Variants in KCNH7 observed in about 807,000 individuals in gnomAD.
KCNH7 encodes the protein potassium voltage-gated channel subfamily H member 7.
A neutral mutation model predicts 120.8 loss-of-function variants in KCNH7; 49 were observed. That is an observed-to-expected ratio of 0.41 (90% CI 0.32 to 0.51). The LOEUF is 0.51. Ranked by LOEUF, KCNH7 falls within the 20% of genes least tolerant of loss-of-function variation. KCNH7 has a pLI of 0.38. For synonymous variants in KCNH7, 547 were observed against 516.1 expected (o/e 1.06, Z -0.81); for missense variants, 1,097 against 1,446.6 (o/e 0.76, Z 3.92).
intron 2 of KCNH7, among the ~76,000 whole-genome samples, chr2:162,742,710 C>T (rs1574330312): frequency 6.6e-6 from 1 of 152,160 alleles, no homozygotes; most frequent in African/African-American, 2.4e-5. Context: ...CTTTCTACTA[C>T]AGAAGAGAAG....
chr2:162,704,502 G>A (rs71424742), intron 2 of KCNH7, among the ~76,000 whole-genome samples: 1,988 of 152,222 alleles, frequency 0.013, 21 homozygotes, highest in South Asian at 0.035. Context: ...TTATGCTTTG[G>A]TTCAAGGTGA....
chr2:162,523,695 C>A (rs188687513), intron 3 of KCNH7, among the ~76,000 whole-genome samples: 29 of 151,958 alleles, frequency 1.9e-4, no homozygotes, highest in African/African-American at 7.0e-4. Flanking sequence ...CAATCATTTT[C>A]TTGTGGAAAA....
intron 2 of KCNH7, among the ~76,000 whole-genome samples, chr2:162,776,123 T>C (rs1472345437): frequency 6.6e-6 from 1 of 152,178 alleles, no homozygotes; most frequent in Admixed American, 6.5e-5. Context: ...AATATACCGT[T>C]CTCTCATTTA....
chr2:162,685,672 A>T (rs556754870), intron 2 of KCNH7, among the ~76,000 whole-genome samples: 1 of 152,072 alleles, frequency 6.6e-6, no homozygotes, highest in East Asian at 1.9e-4. Flanking sequence ...GTTTTACAGC[A>T]GTGATGGAAG....
chr2:162,838,489 T>G lies in KCNH7; in HGVS notation c.30A>C (p.Pro10=). The G allele has an allele frequency of 6.2e-7, 1 of 1,613,656 alleles. No homozygotes were observed. Among genetic ancestry groups the G allele is most frequent in the Non-Finnish European group, 8.5e-7 (1 of 1,179,978 alleles). MPVRRGHVA[P]QNTFLGTIIR... ...TGATGGTCCCCAGAAATGTATTTTG[T>G]GGTGCCACATGCCCCCTGCGCACAG... Residue 10 remains proline (P), a synonymous_variant, in exon 1 of 16, where the codon CCA becomes CCC. Transcript: ENST00000332142.
chr2:162,395,855 C>G (rs904930345), intron 11 of KCNH7, among the ~76,000 whole-genome samples: 6 of 151,578 alleles, frequency 4.0e-5, no homozygotes, highest in Admixed American at 3.3e-4. Context: ...AAATCTACCC[C>G]CTCTTACCTA....
At chr2:162,624,170 A>G (rs575670098) in intron 2 of KCNH7, among the ~76,000 whole-genome samples, 1 of 152,278 alleles carries the variant, frequency 6.6e-6, no homozygotes, top group South Asian at 2.1e-4. Context: ...GATCACCTGA[A>G]GCAGGTGATC....
At chr2:162,744,631 G>C (rs983376518) in intron 2 of KCNH7, among the ~76,000 whole-genome samples, 2 of 145,456 alleles carry the variant, frequency 1.4e-5, no homozygotes, top group Admixed American at 1.5e-4. Context: ...GGAATGCAGT[G>C]GCGTGATCTC....
intron 9 of KCNH7, among the ~76,000 whole-genome samples, chr2:162,419,475 C>T (rs1163618392): frequency 6.6e-6 from 1 of 151,922 alleles, no homozygotes; most frequent in Non-Finnish European, 1.5e-5. Flanking sequence ...TGGAAAACAA[C>T]AAATTTAATG....
intron 2 of KCNH7, among the ~76,000 whole-genome samples, chr2:162,615,214 A>G (rs749745674): frequency 2.6e-5 from 4 of 152,200 alleles, no homozygotes; most frequent in African/African-American, 4.8e-5. Flanking sequence ...GGGAGCCTGT[A>G]GCCAATCACG....
intron 3 of KCNH7, among the ~76,000 whole-genome samples, chr2:162,531,349 C>T (rs1430360748): frequency 2.6e-5 from 4 of 151,968 alleles, no homozygotes; most frequent in Non-Finnish European, 4.4e-5. Context: ...CTCTGCCATG[C>T]TGCTGATATA....
chr2:162,609,573 A>T (rs1199171268), intron 2 of KCNH7, among the ~76,000 whole-genome samples: 2 of 152,124 alleles, frequency 1.3e-5, no homozygotes, highest in Non-Finnish European at 2.9e-5. Flanking sequence ...TTTAGATTTC[A>T]CTGTGAAGGC....
At chr2:162,795,675 T>TTC (rs1684120326) in intron 2 of KCNH7, 1 of 152,090 alleles carries the variant, frequency 6.6e-6, no homozygotes, top group African/African-American at 2.4e-5. Context: ...TAAGAAAACC[T>TTC]TCTCTTGAAA....
At chr2:162,811,035 T>C (rs1018501759) in intron 2 of KCNH7, among the ~76,000 whole-genome samples, 1 of 152,124 alleles carries the variant, frequency 6.6e-6, no homozygotes, top group Non-Finnish European at 1.5e-5. Flanking sequence ...TTTGACATAA[T>C]GAGCCTTGAG....
At chr2:162,612,881 G>A (rs2105974768) in intron 2 of KCNH7, among the ~76,000 whole-genome samples, 1 of 152,080 alleles carries the variant, frequency 6.6e-6, no homozygotes, top group Admixed American at 6.5e-5. Context: ...ACAGTCTCCA[G>A]CTGAAAGGAT....
intron 2 of KCNH7, among the ~76,000 whole-genome samples, chr2:162,826,927 T>C (rs1294846311): frequency 6.6e-6 from 1 of 152,048 alleles, no homozygotes; most frequent in African/African-American, 2.4e-5. Flanking sequence ...AGAAATGAGC[T>C]GAGATTGAAG....
chr2:162,465,720 T>C (rs937324168), intron 6 of KCNH7, among the ~76,000 whole-genome samples: 4 of 152,178 alleles, frequency 2.6e-5, no homozygotes, highest in African/African-American at 9.7e-5. Flanking sequence ...ATATCAATAT[T>C]GTACATTTAC....
chr2:162,827,577 T>C (rs1015513837), intron 2 of KCNH7, among the ~76,000 whole-genome samples: 2 of 152,156 alleles, frequency 1.3e-5, no homozygotes, highest in Non-Finnish European at 2.9e-5. Flanking sequence ...CAAAATGCCA[T>C]GCTTTATTCA....
chr2:162,575,925 C>G (rs189872748), intron 2 of KCNH7, among the ~76,000 whole-genome samples: 4 of 152,098 alleles, frequency 2.6e-5, no homozygotes, highest in Admixed American at 2.6e-4. Flanking sequence ...TATTTCAGTC[C>G]TGGAAACATT....
Sources: allele counts gnomAD v4.1 joint callset (sites outside exome capture counted in the v4.1 genomes callset), GRCh38; gene constraint gnomAD v4.1.1; transcripts MANE v1.5; gene names NCBI Gene and HGNC (gene_info 2026-07-23, HGNC 2026-07-21).